Variants in WDR64 observed in about 807,000 individuals in gnomAD.
The protein encoded by WDR64 is WD repeat-containing protein 64.
A neutral mutation model predicts 139.3 loss-of-function variants in WDR64; 112 were observed. The observed-to-expected ratio is 0.80, with a 90% CI of 0.69 to 0.94. WDR64 has a LOEUF of 0.94. WDR64 is among the 40% of genes least tolerant of loss of function. The pLI, the probability that WDR64 is intolerant of heterozygous loss-of-function variation, is 0.00. For missense variants in WDR64, 1,206 were observed against 1,293.1 expected (o/e 0.93, Z 1.03); for synonymous variants, 444 against 437.7 (o/e 1.01, Z -0.18).
chr1:241,723,510 A>C (rs1331821384), intron 10 of WDR64, 74 bp downstream of exon 10: 1 of 1,457,952 alleles, frequency 6.9e-7, no homozygotes, highest in Non-Finnish European at 9.2e-7. Context: ...TAGGGATGAT[A>C]CAATTTTTGA....
At chr1:241,679,965 G>A (rs74150351) in intron 6 of WDR64, among the ~76,000 whole-genome samples, 3,637 of 152,190 alleles carry the variant, frequency 0.024, 137 homozygotes, top group African/African-American at 0.082. Flanking sequence ...AAAATCAAAT[G>A]TCTAAGTCCG....
chr1:241,710,382 C>G (rs34505857), intron 8 of WDR64, among the ~76,000 whole-genome samples: 1 of 152,030 alleles, frequency 6.6e-6, no homozygotes, highest in Non-Finnish European at 1.5e-5. Context: ...GAAGCCCACA[C>G]GTTGTCACTC....
At chr1:241,711,691 G>A (rs533322348) in intron 8 of WDR64, 111 bp from the exon 9 acceptor site, 1 of 1,079,792 alleles carries the variant, frequency 9.3e-7, no homozygotes, top group African/African-American at 1.6e-5. Flanking sequence ...GGGGGCAAAT[G>A]GATTTACAAC....
chr1:241,671,304 T>A, intron 3 of WDR64, 128 bp downstream of exon 3: 1 of 659,386 alleles, frequency 1.5e-6, no homozygotes, highest in Non-Finnish European at 2.5e-6. Flanking sequence ...TCACTAGGTG[T>A]CGGGGGTGGT....
chr1:241,735,847 CTCTCTCTCTGTGTGTGTGTG>C (rs1669296938), intron 10 of WDR64, among the ~76,000 whole-genome samples: 2 of 102,752 alleles, frequency 1.9e-5, no homozygotes, highest in African/African-American at 4.6e-5. Flanking sequence ...CTCTCTCTCT[CTCTCTCTCTGTGTGTGTGTG>C]TGTGTGTGTG....
intron 10 of WDR64, among the ~76,000 whole-genome samples, chr1:241,728,835 C>G (rs933816031): frequency 4.3e-5 from 5 of 116,804 alleles, no homozygotes; most frequent in African/African-American, 1.8e-4. Flanking sequence ...TTTTTTTTTT[C>G]TATGAAGGGG....
rs983408512 is a variant in WDR64, at chr1:241,652,616, T to A, written c.132T>A (p.Phe44Leu). ...AQKRDERAGLFIHKEDAIGYD... is the reference protein window; with the variant it reads ...AQKRDERAGLLIHKEDAIGYD... ...AAAGAGATGAAAGAGCAGGCTTATT[T>A]ATCCATAAAGAAGGTAAGATCAGTG... Residue 44 changes from phenylalanine (F) to leucine (L), a missense_variant, in exon 1 of 28, where the codon TTT (phenylalanine) becomes TTA (leucine). Phe to Leu is a conservative substitution (Grantham distance 22). Transcript: ENST00000437684. 6.4e-7 allele frequency: 1 copy of A among 1,551,714 alleles called. No individual in the cohort carries two copies. The highest frequency in any genetic ancestry group is 8.7e-7 in the Non-Finnish European group (1 of 1,147,002).
At chr1:241,743,175 C>A (rs1180578499) in intron 12 of WDR64, among the ~76,000 whole-genome samples, 8 of 152,130 alleles carry the variant, frequency 5.3e-5, no homozygotes, top group Non-Finnish European at 1.2e-4. Flanking sequence ...TTTGTGCAGT[C>A]ACCTCTTATG....
intron 14 of WDR64, among the ~76,000 whole-genome samples, chr1:241,755,643 G>A (rs1210442616): frequency 6.6e-6 from 1 of 152,184 alleles, no homozygotes; most frequent in Non-Finnish European, 1.5e-5. Flanking sequence ...CCATGCCTAT[G>A]TCCTGAATGG....
At chr1:241,692,199 T>G (rs547243808) in intron 8 of WDR64, among the ~76,000 whole-genome samples, 1 of 152,154 alleles carries the variant, frequency 6.6e-6, no homozygotes, top group African/African-American at 2.4e-5. Context: ...AATAGAAGAC[T>G]CACTATTGTC....
In WDR64 at chr1:241,652,593, A is replaced by C. The variant is rs1211648517; in HGVS notation, c.109A>C (p.Arg37=). The change falls in exon 1 of 28, where the codon AGA becomes CGA. Residue 37 remains arginine (R), a synonymous_variant. Transcript: ENST00000437684. ...GGTTGAACAAACAGCAGCCCAGAAA[A>C]GAGATGAAAGAGCAGGCTTATTTAT... ...KLVEQTAAQK[R]DERAGLFIHK... 5.2e-6 allele frequency: 8 copies of C among 1,551,870 alleles called. No homozygotes were observed.
intron 23 of WDR64, among the ~76,000 whole-genome samples, chr1:241,784,961 A>G (rs1381043804): frequency 2.0e-5 from 3 of 148,616 alleles, no homozygotes; most frequent in East Asian, 3.9e-4. Flanking sequence ...CTGAAAAAAA[A>G]AAAAAAAAAA....
intron 27 of WDR64, among the ~76,000 whole-genome samples, chr1:241,800,919 T>C (rs1230506033): frequency 6.6e-6 from 1 of 152,130 alleles, no homozygotes; most frequent in African/African-American, 2.4e-5. Context: ...GCTCTTCAGC[T>C]TCTGCTTGTC....
At chr1:241,751,056 T>G (rs1669961206) in intron 14 of WDR64, among the ~76,000 whole-genome samples, 1 of 152,208 alleles carries the variant, frequency 6.6e-6, no homozygotes, top group Non-Finnish European at 1.5e-5. Flanking sequence ...TTTACATACT[T>G]ATTTTCTAGA....
rs145843472 is a variant in WDR64, at chr1:241,723,340, C to T, written c.1098C>T (p.Thr366=). 1.2e-6 allele frequency: 2 copies of T among 1,613,730 alleles called. No homozygotes were observed. The highest frequency in any genetic ancestry group is 1.3e-5 in the African/African-American group (1 of 74,890). The change falls in exon 10 of 28, where the codon ACC becomes ACT. Residue 366 remains threonine (T), a synonymous_variant. Transcript: ENST00000437684. Reference sequence around the variant, plus strand: ...GGTTGTGGCACCCCAATATCAGCACCAAGCCAGTAGGGAAACTTGTAGGAC... The same window carrying T: ...GGTTGTGGCACCCCAATATCAGCACTAAGCCAGTAGGGAAACTTGTAGGAC... ...VIRLWHPNIS[T]KPVGKLVGHM... is the part of the protein sequence containing the mutation.
intron 16 of WDR64, among the ~76,000 whole-genome samples, chr1:241,769,051 G>C (rs1658306601): frequency 6.6e-6 from 1 of 152,140 alleles, no homozygotes; most frequent in Non-Finnish European, 1.5e-5. Flanking sequence ...AGGATCGCTT[G>C]AGCCCAGGAG....
At position 241,749,554 on chromosome 1, in the gene WDR64, C is replaced by A; in HGVS notation, c.1602C>A (p.Val534=). Residue 534 remains valine, a synonymous_variant, in exon 14 of 28, where the codon GTC becomes GTA. Coordinates refer to ENST00000437684, the MANE Select transcript of WDR64 (RefSeq NM_001367482.1). ...LFATGAYNGT[V]RIWDFGSGQE... is the part of the protein sequence containing the mutation. ...TTTTCTCTGTATGCTCAGGAACAGT[C>A]AGAATCTGGGACTTTGGCAGTGGGC... is the stretch of plus-strand genomic sequence containing the variant. 1 of 1,613,970 alleles carries A rather than the reference C, an allele frequency of 6.2e-7. No individual in the cohort carries two copies. Among genetic ancestry groups the A allele is most frequent in the South Asian group, 1.1e-5 (1 of 91,054 alleles).
intron 10 of WDR64, among the ~76,000 whole-genome samples, chr1:241,727,563 T>C (rs903298482): frequency 6.6e-6 from 1 of 152,184 alleles, no homozygotes; most frequent in South Asian, 2.1e-4. Flanking sequence ...AACAAATACT[T>C]ATTTATTTAT....
At chr1:241,665,915 C>G (rs568988381) in intron 2 of WDR64, among the ~76,000 whole-genome samples, 3 of 152,192 alleles carry the variant, frequency 2.0e-5, no homozygotes, top group Non-Finnish European at 4.4e-5. Context: ...TATTATAAAT[C>G]TAAAATTATA....
Sources: allele counts gnomAD v4.1 joint callset (sites outside exome capture counted in the v4.1 genomes callset), GRCh38; gene constraint gnomAD v4.1.1; transcripts MANE v1.5; gene names NCBI Gene and HGNC (gene_info 2026-07-23, HGNC 2026-07-21).